DLGAP4: variants seen among roughly 807,000 people sequenced by gnomAD.
The protein encoded by DLGAP4 is disks large-associated protein 4.
DLGAP4 carries 18 observed loss-of-function variants against 86.9 expected under a neutral mutation model. That is an observed-to-expected ratio of 0.21 (90% CI 0.14 to 0.31). The LOEUF (loss-of-function observed/expected upper bound fraction) is 0.31, where lower values mean the gene tolerates loss of function less well. Among genes scored for constraint, DLGAP4 ranks in the 10% least tolerant of loss-of-function variants. The pLI is 1.00. For missense variants in DLGAP4, 1,085 were observed against 1,362.6 expected (o/e 0.80, Z 3.21); for synonymous variants, 548 against 574.3 (o/e 0.95, Z 0.65).
chr20:36,379,243 C>G (rs532235779), intron 2 of DLGAP4, among the ~76,000 whole-genome samples: 1 of 152,090 alleles, frequency 6.6e-6, no homozygotes. Flanking sequence ...GGAAGGTGGC[C>G]GAAGCCAGAC....
chr20:36,360,746 A>T (rs1194539913), intron 1 of DLGAP4, among the ~76,000 whole-genome samples: 2 of 141,798 alleles, frequency 1.4e-5, no homozygotes, highest in South Asian at 2.5e-4. Flanking sequence ...TGAGCAGAGC[A>T]TGGGGGGCTG....
intron 1 of DLGAP4, among the ~76,000 whole-genome samples, chr20:36,335,487 C>T (rs6022295): frequency 4.6e-5 from 7 of 152,216 alleles, no homozygotes; most frequent in African/African-American, 1.7e-4. Flanking sequence ...AACCCCTGGC[C>T]CAGGCTGAAC....
intron 10 of DLGAP4, among the ~76,000 whole-genome samples, chr20:36,510,067 C>A (rs969042413): frequency 2.0e-5 from 3 of 151,916 alleles, no homozygotes; most frequent in African/African-American, 7.3e-5. Context: ...GAACTCCTGA[C>A]CTCAAGTGAT....
At chr20:36,518,382 T>TA (rs1233889577) in intron 10 of DLGAP4, among the ~76,000 whole-genome samples, 3 of 152,232 alleles carry the variant, frequency 2.0e-5, no homozygotes, top group Non-Finnish European at 4.4e-5. Flanking sequence ...CAGGGTTTGT[T>TA]AATTTTATTA....
intron 7 of DLGAP4, among the ~76,000 whole-genome samples, chr20:36,466,834 C>T (rs886959007): frequency 6.6e-5 from 10 of 152,122 alleles, no homozygotes; most frequent in Admixed American, 5.9e-4. Context: ...GGCCTGGAGC[C>T]CTGAGGTCTG....
chr20:36,426,794 GTATC>G (rs2032985598), intron 2 of DLGAP4, among the ~76,000 whole-genome samples: 1 of 152,166 alleles, frequency 6.6e-6, no homozygotes, highest in African/African-American at 2.4e-5. Context: ...GACACGGAAA[GTATC>G]TATGGACGTG....
chr20:36,418,593 T>C (rs1469768870), intron 2 of DLGAP4, among the ~76,000 whole-genome samples: 1 of 152,048 alleles, frequency 6.6e-6, no homozygotes, highest in Non-Finnish European at 1.5e-5. Context: ...GCCAGGCAGG[T>C]TTCAATGGGG....
intron 1 of DLGAP4, among the ~76,000 whole-genome samples, chr20:36,354,547 C>G (rs1569468968): frequency 1.3e-5 from 2 of 152,164 alleles, no homozygotes; most frequent in Non-Finnish European, 2.9e-5. Flanking sequence ...CACTCTGTCC[C>G]CTGACTAGTG....
intron 7 of DLGAP4, among the ~76,000 whole-genome samples, chr20:36,452,826 CTTTTTTTTT>C (rs1233444372): frequency 1.1e-5 from 1 of 90,780 alleles, no homozygotes; most frequent in Non-Finnish European, 2.1e-5. Flanking sequence ...TTGTGTAAGT[CTTTTTTTTT>C]TTTTTTTTTT....
Position 36,380,259 on chromosome 20 carries a change from A to T in DLGAP4, c.-73+12984A>T, listed in dbSNP as rs563302162. The stretch of plus-strand genomic sequence containing the variant: ...CTACAAAAAATACAAAAAAAAAAAA[A>T]AATAACCAGGTGTGGTGGTGTGTGC... On this transcript the variant is annotated intron_variant, in intron 2 of 12. Transcript: ENST00000339266. Among the ~76,000 whole-genome samples, 27 of 151,742 alleles carry T rather than the reference A, an allele frequency of 1.8e-4. No homozygotes were observed. The South Asian group carries it at 3.5e-3, about 20-fold the overall frequency.
At chr20:36,400,606 G>A (rs1217676589) in intron 2 of DLGAP4, among the ~76,000 whole-genome samples, 1 of 152,116 alleles carries the variant, frequency 6.6e-6, no homozygotes, top group Admixed American at 6.5e-5. Context: ...TGAGGGGGTT[G>A]GATGGGGTTG....
intron 7 of DLGAP4, among the ~76,000 whole-genome samples, chr20:36,467,142 C>T (rs563324614): frequency 6.6e-6 from 1 of 151,052 alleles, no homozygotes; most frequent in African/African-American, 2.4e-5. Context: ...ACAGACAAGG[C>T]GTCTCTGCCC....
At chr20:36,435,535 G>T (rs933899617) in intron 3 of DLGAP4, among the ~76,000 whole-genome samples, 2 of 152,222 alleles carry the variant, frequency 1.3e-5, no homozygotes, top group Non-Finnish European at 2.9e-5. Context: ...CCTTTTTCCA[G>T]CTCACCATGT....
At chr20:36,448,038 T>C (rs1422194324) in intron 7 of DLGAP4, among the ~76,000 whole-genome samples, 2 of 17,366 alleles carry the variant, frequency 1.2e-4, no homozygotes, top group African/African-American at 3.0e-4. Flanking sequence ...ATTATTAAGA[T>C]GGTCAAAAAA....
chr20:36,453,509 C>T (rs1255232120), intron 7 of DLGAP4, among the ~76,000 whole-genome samples: 2 of 151,918 alleles, frequency 1.3e-5, no homozygotes, highest in African/African-American at 4.8e-5. Flanking sequence ...ATTAGCTGTG[C>T]ATGGTGGTCA....
intron 2 of DLGAP4, among the ~76,000 whole-genome samples, chr20:36,417,904 C>T (rs530298603): frequency 8.5e-5 from 13 of 152,078 alleles, no homozygotes; most frequent in Non-Finnish European, 1.8e-4. Flanking sequence ...CCTGCCTCAG[C>T]CTCCCGAGCA....
chr20:36,330,186 AGT>A (rs2065253516), intron 1 of DLGAP4, among the ~76,000 whole-genome samples: 1 of 152,232 alleles, frequency 6.6e-6, no homozygotes, highest in South Asian at 2.1e-4. Context: ...ATTAAAACAC[AGT>A]GTGTCTCGTT....
chr20:36,392,603 C>T (rs1006926574), intron 2 of DLGAP4, among the ~76,000 whole-genome samples: 2 of 151,728 alleles, frequency 1.3e-5, no homozygotes, highest in African/African-American at 2.4e-5. Flanking sequence ...CTCCTGACTT[C>T]GTCATCCACC....
At chr20:36,400,696 A>T (rs2032131612) in intron 2 of DLGAP4, among the ~76,000 whole-genome samples, 1 of 151,830 alleles carries the variant, frequency 6.6e-6, no homozygotes, top group South Asian at 2.1e-4. Flanking sequence ...CTTTGTTCGT[A>T]TGGAAAGTGG....
Sources: allele counts gnomAD v4.1 joint callset (sites outside exome capture counted in the v4.1 genomes callset), GRCh38; gene constraint gnomAD v4.1.1; transcripts MANE v1.5; gene names NCBI Gene and HGNC (gene_info 2026-07-23, HGNC 2026-07-21).